The following U2SURP variants were observed in gnomAD, a reference collection of about 807,000 sequenced individuals.
U2SURP encodes U2 snRNP-associated SURP motif-containing protein.
Under a neutral mutation model 144.9 loss-of-function variants are expected in U2SURP, and 9 were observed. The observed-to-expected ratio is 0.06, with a 90% CI of 0.04 to 0.11. U2SURP has a LOEUF of 0.11. Among genes scored for constraint, U2SURP ranks in the 10% least tolerant of loss-of-function variants. U2SURP has a pLI of 1.00. For missense variants in U2SURP, 724 were observed against 1,226.7 expected (o/e 0.59, Z 6.12); for synonymous variants, 408 against 396.8 (o/e 1.03, Z -0.33).
At chr3:143,011,607 TGTA>T (rs1374838612) in intron 2 of U2SURP, among the ~76,000 whole-genome samples, 4 of 152,120 alleles carry the variant, frequency 2.6e-5, no homozygotes, top group African/African-American at 4.8e-5. Flanking sequence ...AGAGTATACT[TGTA>T]GTCATTATAT....
At position 143,056,629 on chromosome 3, in the gene U2SURP, A is replaced by G. The variant is rs2108323852; in HGVS notation, c.*179A>G. Reference sequence around the variant, plus strand: ...ATCTGTAGATCTGTCATTGTTTTATATTGTGTAAATTACTTTCATTGTGGC... The same window carrying G: ...ATCTGTAGATCTGTCATTGTTTTATGTTGTGTAAATTACTTTCATTGTGGC... On this transcript the variant is annotated 3_prime_UTR_variant, in exon 28 of 28. Transcript: ENST00000473835. 1 of 619,910 alleles carries G rather than the reference A, an allele frequency of 1.6e-6. No individual in the cohort carries two copies. The highest frequency in any genetic ancestry group is 2.6e-5 in the South Asian group (1 of 38,040). The allele number at this position is 619,910 out of a possible 1,614,324, so 38.4% of individuals were successfully genotyped here. A position where few individuals can be genotyped will look rare whatever the true frequency, so the allele number is the denominator to read the frequency against.
chr3:143,037,446 C>G (rs987419893), intron 21 of U2SURP, 111 bp downstream of exon 21: 4 of 1,009,394 alleles, frequency 4.0e-6, no homozygotes, highest in Non-Finnish European at 4.3e-6. Flanking sequence ...ATGAACGTAT[C>G]AAGTTATTAA....
intron 27 of U2SURP, among the ~76,000 whole-genome samples, chr3:143,055,961 T>C (rs1935128279): frequency 6.6e-6 from 1 of 152,174 alleles, no homozygotes; most frequent in South Asian, 2.1e-4. Flanking sequence ...CTTTATCTTG[T>C]AGATTAAAGG....
At chr3:143,034,267 G>A (rs1457057957) in intron 18 of U2SURP, among the ~76,000 whole-genome samples, 1 of 152,104 alleles carries the variant, frequency 6.6e-6, no homozygotes, top group Non-Finnish European at 1.5e-5. Flanking sequence ...AGCTGGGCGT[G>A]GTGGTGTGCC....
chr3:143,028,258 A>G, intron 14 of U2SURP, 82 bp from the exon 15 acceptor site: 1 of 1,435,830 alleles, frequency 7.0e-7, no homozygotes, highest in Non-Finnish European at 9.5e-7. Flanking sequence ...TAGGCAAATA[A>G]TATTTCTCAT....
chr3:143,048,835 C>T (rs1934683657), intron 24 of U2SURP, among the ~76,000 whole-genome samples: 1 of 151,910 alleles, frequency 6.6e-6, no homozygotes, highest in South Asian at 2.1e-4. Context: ...GCCAAGGTTG[C>T]AGTGCACCTG....
intron 24 of U2SURP, among the ~76,000 whole-genome samples, chr3:143,049,680 C>T (rs1219954280): frequency 6.6e-6 from 1 of 152,196 alleles, no homozygotes; most frequent in East Asian, 1.9e-4. Context: ...ATAATTTAAG[C>T]TCCTTTAAGC....
intron 5 of U2SURP, 89 bp from the exon 6 acceptor site, chr3:143,016,753 C>A: frequency 8.6e-7 from 1 of 1,159,228 alleles, no homozygotes; most frequent in Non-Finnish European, 1.2e-6. Flanking sequence ...ATACTAAAAG[C>A]ATTTTACTAA....
intron 25 of U2SURP, among the ~76,000 whole-genome samples, chr3:143,051,694 C>T (rs769275972): frequency 6.7e-6 from 1 of 150,232 alleles, no homozygotes; most frequent in African/African-American, 2.4e-5. Flanking sequence ...CTTACAATCA[C>T]TATAAAGCTG....
intron 16 of U2SURP, among the ~76,000 whole-genome samples, chr3:143,029,871 A>G (rs901472352): frequency 1.3e-5 from 2 of 152,224 alleles, no homozygotes; most frequent in African/African-American, 4.8e-5. Flanking sequence ...ACTGATAGAA[A>G]GTTTCGGTGG....
At position 143,027,256 on chromosome 3, in the gene U2SURP, G is replaced by A. The variant is rs1464571054; in HGVS notation, c.1379+3G>A. ...GAAATCAACAATCCTATGTTCAGGT[G>A]TGCATTTTTTAAAAATTGTGAAATA... On this transcript the variant is annotated splice_donor_region_variant and intron_variant, in intron 14 of 27. Coordinates refer to ENST00000473835, the MANE Select transcript of U2SURP (RefSeq NM_001080415.2). 3.1e-6 allele frequency: 5 copies of A among 1,608,816 alleles called. No individual in the cohort carries two copies. The highest frequency in any genetic ancestry group is 4.2e-6 in the Non-Finnish European group (5 of 1,176,684).
At position 143,052,605 on chromosome 3, in the gene U2SURP, G is replaced by A. The variant is rs148143680; in HGVS notation, c.2656-1071G>A. On this transcript the variant is annotated intron_variant, in intron 25 of 27. Coordinates refer to ENST00000473835, the MANE Select transcript of U2SURP (RefSeq NM_001080415.2). Reference sequence around the variant, plus strand: ...AACACAGCCATGCACCTTGACTTAGGTATTTTGTAGGGTGGCTTTCACTCT... The same window carrying A: ...AACACAGCCATGCACCTTGACTTAGATATTTTGTAGGGTGGCTTTCACTCT... 7.6e-4 allele frequency among the ~76,000 whole-genome samples: 116 copies of A among 152,298 alleles called. 2 individuals are homozygous for A. Among genetic ancestry groups the A allele is most frequent in the African/African-American group, 2.7e-3 (111 of 41,566 alleles).
At chr3:143,005,510 G>GT (rs1302315301) in intron 1 of U2SURP, among the ~76,000 whole-genome samples, 1 of 152,110 alleles carries the variant, frequency 6.6e-6, no homozygotes, top group East Asian at 1.9e-4. Context: ...ATGTAAGGTA[G>GT]TTTTTTTGGT....
At position 143,016,366 on chromosome 3, in the gene U2SURP, C is replaced by A; in HGVS notation, c.431C>A (p.Ala144Asp). The A allele has an allele frequency of 6.2e-7, 1 of 1,611,070 alleles. No homozygotes were observed. The highest frequency in any genetic ancestry group is 8.5e-7 in the Non-Finnish European group (1 of 1,177,940). Reference protein sequence around the residue: ...TFVRGGVVNAAKEEHETDEKR... With the variant: ...TFVRGGVVNADKEEHETDEKR... ...GTGCGAGGGGGTGTTGTTAATGCAG[C>A]TAAAGGTAAGTTTATAAAGTATAAC... The change falls in exon 5 of 28, where the codon GCT becomes GAT. Residue 144 changes from alanine (A) to aspartate (D), a missense_variant. By Grantham distance (126) the Ala-to-Asp change is moderately radical. Transcript: ENST00000473835.
At chr3:143,027,100 T>C (rs1195599005) in intron 13 of U2SURP, 49 bp from the exon 14 acceptor site, 1 of 1,370,398 alleles carries the variant, frequency 7.3e-7, no homozygotes, top group East Asian at 2.3e-5. Context: ...TGTAGTTTTA[T>C]ATAGTGGTAG....
In U2SURP at chr3:143,016,885, A is replaced by G. The variant is rs375152362; in HGVS notation, c.480A>G (p.Pro160=). 58 of 1,590,696 alleles carry G rather than the reference A, an allele frequency of 3.6e-5. No homozygotes were observed. Among genetic ancestry groups the G allele is most frequent in the Middle Eastern group, 3.3e-4 (2 of 5,990 alleles). The stretch of plus-strand genomic sequence containing the variant: ...AAAAAAGAGGTAAAATCTATAAGCC[A>G]TCTTCAAGATTTGCAGATCAAAAAA... ...TDEKRGKIYK[P]SSRFADQKNP... Residue 160 remains proline, a synonymous_variant, in exon 6 of 28, where the codon CCA becomes CCG. Transcript: ENST00000473835.
At chr3:143,005,402 C>T (rs1935784118) in intron 1 of U2SURP, among the ~76,000 whole-genome samples, 1 of 152,118 alleles carries the variant, frequency 6.6e-6, no homozygotes, top group Non-Finnish European at 1.5e-5. Context: ...ATGAAAAAGT[C>T]CAAACAAAAT....
At chr3:143,042,349 C>T (rs1423100020) in intron 23 of U2SURP, among the ~76,000 whole-genome samples, 4 of 152,116 alleles carry the variant, frequency 2.6e-5, no homozygotes, top group Non-Finnish European at 5.9e-5. Context: ...TTGGTTATTT[C>T]TTAGTAACTC....
intron 24 of U2SURP, among the ~76,000 whole-genome samples, chr3:143,049,059 A>T (rs1046912577): frequency 8.6e-5 from 13 of 151,504 alleles, no homozygotes; most frequent in African/African-American, 3.2e-4. Context: ...GTTCGAGACC[A>T]ACCTGGCCAA....
Sources: gnomAD v4.1 joint callset for allele counts (sites outside exome capture counted in the v4.1 genomes callset) on GRCh38, gnomAD v4.1.1 for gene constraint, MANE v1.5 for transcripts, NCBI Gene and HGNC (gene_info 2026-07-23, HGNC 2026-07-21) for gene names.